Variants in ERLN observed in about 807,000 individuals in gnomAD.
ERLN encodes the protein small integral membrane protein 6.
At chr17:75,647,635 C>G in the ERLN span, 1 of 1,459,060 alleles carries the variant, frequency 6.9e-7, no homozygotes. Flanking sequence ...AGTGGTGGGC[C>G]CCTTCGCGGT....
chr17:75,647,390 T>C, the ERLN span: 4 of 1,549,198 alleles, frequency 2.6e-6, no homozygotes, highest in Admixed American at 2.0e-5. Flanking sequence ...GACCAACTGG[T>C]ATTCAAAGAG....
chr17:75,647,800 G>A, the ERLN span: 1 of 487,546 alleles, frequency 2.1e-6, no homozygotes. Flanking sequence ...TGTTTTTAGG[G>A]TTCCCCGACC....
chr17:75,647,375 T>G, the ERLN span: 134 of 1,547,508 alleles, frequency 8.7e-5, no homozygotes, highest in East Asian at 3.0e-3. Flanking sequence ...TTCCAGATTC[T>G]CATGGACCAA....
chr17:75,647,729 T>C, the ERLN span: 1 of 682,974 alleles, frequency 1.5e-6, no homozygotes. Flanking sequence ...TGGCTTAGGG[T>C]TGGTCAGACT....
At chr17:75,647,006 ACT>A in the ERLN span, among the ~76,000 whole-genome samples, 1 of 152,040 alleles carries the variant, frequency 6.6e-6, no homozygotes, top group Admixed American at 6.6e-5. Flanking sequence ...AAACAGGGAG[ACT>A]CTATCATGAT....
the ERLN span, chr17:75,647,361 T>C: frequency 2.6e-6 from 4 of 1,542,604 alleles, no homozygotes; most frequent in South Asian, 2.4e-5. Flanking sequence ...CCTCTGTCCC[T>C]CTTTTCCAGA....
chr17:75,647,827 A>G, the ERLN span: 1 of 395,360 alleles, frequency 2.5e-6, no homozygotes, highest in East Asian at 4.6e-5. Flanking sequence ...CTAAAAGCAC[A>G]TGGAGAGGAT....
the ERLN span, chr17:75,647,560 G>A: frequency 2.6e-5 from 40 of 1,549,936 alleles, no homozygotes; most frequent in Non-Finnish European, 3.2e-5. Flanking sequence ...GGGTGAAGAG[G>A]AGTGACCTGA....
the ERLN span, chr17:75,647,341 G>A: frequency 2.0e-6 from 3 of 1,517,876 alleles, no homozygotes; most frequent in South Asian, 1.3e-5. Flanking sequence ...AGGGCTGCCT[G>A]CACTCAGGTC....
chr17:75,646,838 T>A, the ERLN span: 1 of 152,934 alleles, frequency 6.5e-6, no homozygotes, highest in Non-Finnish European at 1.5e-5. Flanking sequence ...GCTATGGGCT[T>A]GCAGTCTGCG....
At chr17:75,647,035 C>A in the ERLN span, among the ~76,000 whole-genome samples, 1 of 152,182 alleles carries the variant, frequency 6.6e-6, no homozygotes, top group East Asian at 1.9e-4. Flanking sequence ...TAGATTCTAG[C>A]CAAGTAGGTC....
At chr17:75,646,607 G>GTC in the ERLN span, 1 of 152,282 alleles carries the variant, frequency 6.6e-6, no homozygotes, top group African/African-American at 2.4e-5. Context: ...AGCAACTAAG[G>GTC]TCTGGTCAGG....
At chr17:75,647,342 C>T in the ERLN span, 1 of 1,519,284 alleles carries the variant, frequency 6.6e-7, no homozygotes, top group African/African-American at 1.4e-5. Flanking sequence ...GGGCTGCCTG[C>T]ACTCAGGTCC....
the ERLN span, chr17:75,646,660 T>A: frequency 6.6e-6 from 1 of 152,318 alleles, no homozygotes; most frequent in Non-Finnish European, 1.5e-5. Context: ...AACAGTTGCT[T>A]CTTTGAGTCA....
chr17:75,647,274 G>A, the ERLN span: 1 of 1,055,470 alleles, frequency 9.5e-7, no homozygotes. Flanking sequence ...GCTCACAGAG[G>A]CTGCTACAGA....
chr17:75,647,586 G>C, the ERLN span: 1 of 1,549,058 alleles, frequency 6.5e-7, no homozygotes, highest in African/African-American at 1.4e-5. Flanking sequence ...TGGGGACTGA[G>C]ATGGCAGCAG....
chr17:75,647,276 T>C, the ERLN span: 1 of 1,087,398 alleles, frequency 9.2e-7, no homozygotes, highest in Non-Finnish European at 1.3e-6. Flanking sequence ...TCACAGAGGC[T>C]GCTACAGAGG....
the ERLN span, among the ~76,000 whole-genome samples, chr17:75,646,983 G>A: frequency 6.6e-6 from 1 of 152,222 alleles, no homozygotes; most frequent in African/African-American, 2.4e-5. Flanking sequence ...ATGTTTGGCA[G>A]TTGGGGCAGG....
chr17:75,647,438 AC>A, the ERLN span: 2 of 1,550,050 alleles, frequency 1.3e-6, no homozygotes, highest in African/African-American at 1.4e-5. Flanking sequence ...AACCCCTGGG[AC>A]CAGGGGGGCC....
Sources: gnomAD v4.1 joint callset for allele counts (sites outside exome capture counted in the v4.1 genomes callset) on GRCh38, gnomAD v4.1.1 for gene constraint, MANE v1.5 for transcripts, NCBI Gene and HGNC (gene_info 2026-07-23, HGNC 2026-07-21) for gene names.